Variants in INSRR observed in about 807,000 individuals in gnomAD.
INSRR encodes insulin receptor-related protein.
INSRR carries 114 observed loss-of-function variants against 130.0 expected under a neutral mutation model. That is an observed-to-expected ratio of 0.88 (90% confidence interval 0.75 to 1.02). INSRR has a LOEUF of 1.02. Among genes scored for constraint, INSRR ranks in the 50% least tolerant of loss-of-function variants. The pLI, the probability that INSRR is intolerant of heterozygous loss-of-function variation, is 0.00. For missense variants in INSRR, 1,657 were observed against 1,735.2 expected, an observed-to-expected ratio of 0.95 and a Z score of 0.80; for synonymous variants, 674 against 705.2, an observed-to-expected ratio of 0.96 and a Z score of 0.70.
At chr1:156,852,751 A>C (rs1278386872) in intron 2 of INSRR, among the ~76,000 whole-genome samples, 2 of 152,186 alleles carry the variant, frequency 1.3e-5, no homozygotes, top group Non-Finnish European at 2.9e-5. Context: ...CTGGCTGGCT[A>C]TGGGAGCGAT....
chr1:156,852,029 T>A lies in INSRR; in HGVS notation c.800A>T (p.Tyr267Phe). 1 of 1,613,474 alleles carries A rather than the reference T, an allele frequency of 6.2e-7. No individual in the cohort carries two copies. ...ACLWACPPGT[Y>F]QYESWRCVTA... is the part of the protein sequence containing the mutation. ...GACACAGCGCCAGGACTCATACTGG[T>A]AGGTGCCTGGCGGGCAGGCCCACAG... The change falls in exon 3 of 22, where the codon TAC (tyrosine) becomes TTC (phenylalanine). Residue 267 changes from tyrosine to phenylalanine, a missense_variant. Physicochemically the swap from Tyr to Phe is conservative, Grantham distance 22. Coordinates refer to ENST00000368195, the MANE Select transcript of INSRR (RefSeq NM_014215.3).
At chr1:156,847,921 C>T (rs898978414) in intron 7 of INSRR, among the ~76,000 whole-genome samples, 16 of 152,090 alleles carry the variant, frequency 1.1e-4, no homozygotes, top group African/African-American at 3.6e-4. Flanking sequence ...GTGCACAAGC[C>T]GGGGAGCTGG....
intron 18 of INSRR, 36 bp downstream of exon 18, chr1:156,842,362 C>T (rs776116756): frequency 6.2e-7 from 1 of 1,613,008 alleles, no homozygotes; most frequent in Admixed American, 1.7e-5. Flanking sequence ...TGTGCCCAAC[C>T]CTTCTTTCAC....
In INSRR at chr1:156,844,613, C is replaced by A; in HGVS notation, c.2586G>T (p.Val862=). 1 of 1,614,138 alleles carries A rather than the reference C, an allele frequency of 6.2e-7. No individual in the cohort carries two copies. The highest frequency in any genetic ancestry group is 1.1e-5 in the South Asian group (1 of 91,074). The change falls in exon 14 of 22, where the codon GTG becomes GTT. Residue 862 remains valine, a synonymous_variant. Coordinates refer to ENST00000368195, the MANE Select transcript of INSRR (RefSeq NM_014215.3). ...KYRRLGEEAT[V]LCVSRLRYAK... ...CATATCGAAGACGGGACACACACAG[C>A]ACTGTGGCCTCCTGAGAGTAACGCA... is the stretch of plus-strand genomic sequence containing the variant.
chr1:156,857,163 A>ATGTGTGTGTGTG (rs57324546), intron 1 of INSRR, among the ~76,000 whole-genome samples: 12 of 130,636 alleles, frequency 9.2e-5, no homozygotes, highest in African/African-American at 2.0e-4. Flanking sequence ...GCAGCTGTGT[A>ATGTGTGTGTGTG]TGTGTGTGTG....
intron 2 of INSRR, among the ~76,000 whole-genome samples, 188 bp from the exon 3 acceptor site, chr1:156,852,379 CG>C (rs902496049): frequency 6.6e-6 from 1 of 152,250 alleles, no homozygotes; most frequent in African/African-American, 2.4e-5. Context: ...GGACTGTGGC[CG>C]TCTGTGGCTC....
rs1273418247 is a variant in INSRR at position 156,844,804 on chromosome 1, G to A, written c.2477C>T (p.Ala826Val). 14 of 1,614,038 alleles carry A rather than the reference G, an allele frequency of 8.7e-6. No homozygotes were observed. The highest frequency in any genetic ancestry group is 1.0e-5 in the Non-Finnish European group (12 of 1,180,032). Residue 826 changes from alanine to valine, a missense_variant, in exon 13 of 22, where the codon GCC becomes GTC. Coordinates refer to ENST00000368195, the MANE Select transcript of INSRR (RefSeq NM_014215.3). ...DGIPGKVAWEASSKNSVLLRW... is the reference protein window; with the variant it reads ...DGIPGKVAWEVSSKNSVLLRW... ...CAGAAGGACACTGTTCTTGCTGGAG[G>A]CCTCCCAGGCCACCTTTCCTGGAAT...
chr1:156,857,163 ATGTGTGTGTGTGTGTGTG>A (rs57324546), intron 1 of INSRR, among the ~76,000 whole-genome samples: 83 of 130,638 alleles, frequency 6.4e-4, no homozygotes, highest in South Asian at 3.3e-3. Context: ...GCAGCTGTGT[ATGTGTGTGTGTGTGTGTG>A]TGTGTGTGTG....
At chr1:156,848,883 G>T (rs1202749806) in intron 7 of INSRR, 38 bp downstream of exon 7, 6 of 1,544,330 alleles carry the variant, frequency 3.9e-6, no homozygotes, top group Non-Finnish European at 5.2e-6. Context: ...GGCCTCGTCC[G>T]GTCCCGCCCC....
At chr1:156,842,580 A>G (rs987376351) in intron 17 of INSRR, 72 bp from the exon 18 acceptor site, 26 of 1,127,468 alleles carry the variant, frequency 2.3e-5, no homozygotes, top group African/African-American at 4.6e-5. Flanking sequence ...CTGATCTGCT[A>G]TGACCACAGT....
chr1:156,845,935 G>T lies in INSRR; in HGVS notation c.1978+17C>A, dbSNP rs762915390. The T allele has an allele frequency of 6.2e-6, 10 of 1,607,952 alleles. No individual in the cohort carries two copies. The highest frequency in any genetic ancestry group is 8.5e-6 in the Non-Finnish European group (10 of 1,176,998). On this transcript the variant is annotated intron_variant, in intron 9 of 21. Transcript: ENST00000368195. ...CCCACCCGCCCCGCGGCCGGCCTGCGCGTCGTCCCTGCGCACCGCGGTGGC... is the reference window on the plus strand; with the variant it reads ...CCCACCCGCCCCGCGGCCGGCCTGCTCGTCGTCCCTGCGCACCGCGGTGGC...
chr1:156,842,214 T>A lies in INSRR; in HGVS notation c.3295A>T (p.Ile1099Phe). 6.2e-7 allele frequency: 1 copy of A among 1,614,010 alleles called. No homozygotes were observed. The highest frequency in any genetic ancestry group is 1.1e-5 in the South Asian group (1 of 91,044). The change falls in exon 19 of 22, where the codon ATT becomes TTT. Residue 1099 changes from isoleucine (I) to phenylalanine (F), a missense_variant. Coordinates refer to ENST00000368195, the MANE Select transcript of INSRR (RefSeq NM_014215.3). Reference protein sequence around the residue: ...LGEMIQMAGEIADGMAYLAAN... With the variant: ...LGEMIQMAGEFADGMAYLAAN... ...GCAAGGTAGGCCATGCCGTCTGCAA[T>A]CTCACCAGCCATTTGGATCATTTCC...
intron 5 of INSRR, among the ~76,000 whole-genome samples, chr1:156,849,954 G>A (rs1655144509): frequency 6.6e-6 from 1 of 151,712 alleles, no homozygotes; most frequent in Admixed American, 6.6e-5. Context: ...CCAGGCCAGA[G>A]TGCAGTGGCA....
intron 5 of INSRR, 43 bp from the exon 6 acceptor site, chr1:156,849,503 C>CTGGGGGGGGGGG: frequency 2.1e-6 from 1 of 483,666 alleles, no homozygotes; most frequent in Non-Finnish European, 3.3e-6. Flanking sequence ...GAGGTGGGGG[C>CTGGGGGGGGGGG]AGGGGGTGGG....
Position 156,844,801 on chromosome 1 carries a change from G to A in INSRR, c.2480C>T (p.Ser827Phe). The change falls in exon 13 of 22, where the codon TCC becomes TTC. Residue 827 changes from serine (S) to phenylalanine (F), a missense_variant. Transcript: ENST00000368195. Reference protein sequence around the residue: ...GIPGKVAWEASSKNSVLLRWL... With the variant: ...GIPGKVAWEAFSKNSVLLRWL... ...GCGCAGAAGGACACTGTTCTTGCTG[G>A]AGGCCTCCCAGGCCACCTTTCCTGG... is the stretch of plus-strand genomic sequence containing the variant. 6.2e-7 allele frequency: 1 copy of A among 1,614,140 alleles called. No homozygotes were observed. Among genetic ancestry groups the A allele is most frequent in the Non-Finnish European group, 8.5e-7 (1 of 1,180,040 alleles).
rs1188603301 is a variant in INSRR, at chr1:156,842,081, GC to G, written c.3397+30del. ...TTAAGGGAGTCTCTCTACTTTTCAG[GC>G]CGCCCTCATCTGCCTGGCACCCTCT... is the stretch of plus-strand genomic sequence containing the variant. On this transcript the variant is annotated intron_variant, in intron 19 of 21. Coordinates refer to ENST00000368195, the MANE Select transcript of INSRR (RefSeq NM_014215.3). 4 of 1,613,130 alleles carry G rather than the reference GC, an allele frequency of 2.5e-6. No homozygotes were observed. The Admixed American group carries it at 6.7e-5, about 27-fold the overall frequency.
At chr1:156,842,604 C>T in intron 17 of INSRR, 96 bp from the exon 18 acceptor site, 13 of 853,566 alleles carry the variant, frequency 1.5e-5, no homozygotes, top group Non-Finnish European at 2.3e-5. Context: ...ACTCAGACAC[C>T]AAACCTGACC....
chr1:156,858,708 G>T lies in INSRR; in HGVS notation c.-87C>A. On this transcript the variant is annotated 5_prime_UTR_variant, in exon 1 of 22. Coordinates refer to ENST00000368195, the MANE Select transcript of INSRR (RefSeq NM_014215.3). The stretch of plus-strand genomic sequence containing the variant: ...TGTGATAAGCCCTAAGGGACACAGA[G>T]ACCAGGGTTCAGATAGGAGAGGGAG... 1.8e-6 allele frequency: 2 copies of T among 1,137,048 alleles called. No individual in the cohort carries two copies. Among genetic ancestry groups the T allele is most frequent in the Non-Finnish European group, 2.7e-6 (2 of 749,640 alleles). The allele number at this position is 1,137,048 out of a possible 1,614,324, so 70.4% of individuals were successfully genotyped here.
chr1:156,841,566 C>T (rs377055667), intron 20 of INSRR, 38 bp from the exon 21 acceptor site: 20 of 1,613,388 alleles, frequency 1.2e-5, no homozygotes, highest in African/African-American at 4.0e-5. Flanking sequence ...CAGCACCCTT[C>T]GTGCTACTCA....
Sources: allele counts gnomAD v4.1 joint callset (sites outside exome capture counted in the v4.1 genomes callset), GRCh38; gene constraint gnomAD v4.1.1; transcripts MANE v1.5; gene names NCBI Gene and HGNC (gene_info 2026-07-23, HGNC 2026-07-21).